PARD3: variants seen among roughly 807,000 people sequenced by gnomAD.
PARD3 encodes par-3 family cell polarity regulator, also known as partitioning defective 3 homolog.
Under a neutral mutation model 155.4 loss-of-function variants are expected in PARD3, and 75 were observed. The ratio of observed to expected loss-of-function variants is 0.48; its 90% CI spans 0.40 to 0.58. PARD3 has a LOEUF of 0.58. Ranked by LOEUF, PARD3 falls within the 20% of genes least tolerant of loss-of-function variation. The pLI, the probability that PARD3 is intolerant of heterozygous loss-of-function variation, is 0.00. For missense variants in PARD3, 1,642 were observed against 1,721.7 expected, an observed-to-expected ratio of 0.95 and a Z score of 0.82; for synonymous variants, 576 against 610.5, an observed-to-expected ratio of 0.94 and a Z score of 0.83.
At chr10:34,654,650 AC>A (rs2093115076) in intron 2 of PARD3, among the ~76,000 whole-genome samples, 1 of 152,054 alleles carries the variant, frequency 6.6e-6, no homozygotes, top group Non-Finnish European at 1.5e-5. Flanking sequence ...ATTTCCCACA[AC>A]CCATTTGCCC....
intron 1 of PARD3, among the ~76,000 whole-genome samples, chr10:34,756,244 C>T (rs1456513382): frequency 6.7e-6 from 1 of 149,708 alleles, no homozygotes; most frequent in Non-Finnish European, 1.5e-5. Flanking sequence ...AGCTCCACCT[C>T]CTGGGTTCAC....
chr10:34,593,705 A>G (rs1322074513), intron 2 of PARD3, among the ~76,000 whole-genome samples: 1 of 152,226 alleles, frequency 6.6e-6, no homozygotes. Flanking sequence ...CAGACAGGGG[A>G]ACAGAGAGCC....
chr10:34,389,311 C>T (rs1002794059), intron 7 of PARD3, among the ~76,000 whole-genome samples: 2 of 143,104 alleles, frequency 1.4e-5, no homozygotes, highest in African/African-American at 5.4e-5. Context: ...TGAAATGCTG[C>T]TTCTTTGTAC....
At chr10:34,725,678 C>T (rs1176083476) in intron 1 of PARD3, among the ~76,000 whole-genome samples, 2 of 152,274 alleles carry the variant, frequency 1.3e-5, no homozygotes, top group East Asian at 3.9e-4. Flanking sequence ...TCAATCCTGG[C>T]TGTATCAGAA....
chr10:34,275,885 C>T (rs1348112973), intron 21 of PARD3, among the ~76,000 whole-genome samples: 1 of 152,096 alleles, frequency 6.6e-6, no homozygotes, highest in East Asian at 1.9e-4. Flanking sequence ...AAGAGTCACT[C>T]ATTTTTCTGA....
At chr10:34,632,079 C>T (rs2092295636) in intron 2 of PARD3, among the ~76,000 whole-genome samples, 1 of 152,098 alleles carries the variant, frequency 6.6e-6, no homozygotes, top group Non-Finnish European at 1.5e-5. Flanking sequence ...GCCAACATGG[C>T]GAAATTCCAT....
chr10:34,733,197 C>T (rs957462657), intron 1 of PARD3, among the ~76,000 whole-genome samples: 4 of 152,150 alleles, frequency 2.6e-5, no homozygotes, highest in Non-Finnish European at 5.9e-5. Context: ...AAGTTAACAC[C>T]GTTAATCACC....
intron 22 of PARD3, among the ~76,000 whole-genome samples, chr10:34,209,519 G>A (rs1255973342): frequency 3.9e-5 from 6 of 152,094 alleles, no homozygotes; most frequent in Non-Finnish European, 8.8e-5. Context: ...GTGTGTTGTG[G>A]GGGGCAGTCA....
intron 3 of PARD3, among the ~76,000 whole-genome samples, chr10:34,508,573 T>C (rs1221175452): frequency 2.0e-5 from 3 of 152,262 alleles, no homozygotes; most frequent in South Asian, 4.1e-4. Context: ...GAAAAAGTCA[T>C]ACACAAAATA....
chr10:34,670,263 C>T (rs541168532), intron 2 of PARD3, among the ~76,000 whole-genome samples: 71 of 152,352 alleles, frequency 4.7e-4, no homozygotes, highest in Admixed American at 1.6e-3. Context: ...ACACAAGGGA[C>T]GCCTTCACGA....
chr10:34,304,274 T>A (rs1110654), intron 20 of PARD3, among the ~76,000 whole-genome samples: 77,392 of 150,806 alleles, frequency 0.51, 19,872 homozygotes, highest in Middle Eastern at 0.6. Flanking sequence ...GGTGGGAGAA[T>A]CACTCGAAGC....
At chr10:34,614,889 G>A (rs1050462682) in intron 2 of PARD3, among the ~76,000 whole-genome samples, 1 of 152,082 alleles carries the variant, frequency 6.6e-6, no homozygotes, top group Non-Finnish European at 1.5e-5. Context: ...TTTAAAAAAC[G>A]CAAAGCAGGC....
intron 18 of PARD3, among the ~76,000 whole-genome samples, chr10:34,332,238 G>C (rs1341316168): frequency 1.3e-5 from 2 of 152,138 alleles, no homozygotes. Flanking sequence ...CCAAGTTGTG[G>C]AAGGCAATCA....
At chr10:34,309,426 T>C (rs1957580083) in intron 20 of PARD3, among the ~76,000 whole-genome samples, 1 of 151,252 alleles carries the variant, frequency 6.6e-6, no homozygotes, top group Non-Finnish European at 1.5e-5. Flanking sequence ...GGCACAGTGG[T>C]GCACGCCTGT....
intron 9 of PARD3, among the ~76,000 whole-genome samples, chr10:34,381,912 C>CAAAAAAAAAAA (rs202053812): frequency 2.3e-3 from 163 of 71,780 alleles, no homozygotes; most frequent in African/African-American, 4.6e-3. Flanking sequence ...GGCCCTGTCT[C>CAAAAAAAAAAA]AAAAAAAAAA....
chr10:34,349,756 A>C (rs1448413360), intron 14 of PARD3, among the ~76,000 whole-genome samples: 1 of 152,162 alleles, frequency 6.6e-6, no homozygotes, highest in East Asian at 1.9e-4. Context: ...ATCAAAAGAC[A>C]GACAACATAT....
chr10:34,278,207 C>T lies in PARD3; in HGVS notation c.3176+5928G>A, dbSNP rs531385455. Among the ~76,000 whole-genome samples, 5 of 117,038 alleles carry T rather than the reference C, an allele frequency of 4.3e-5. No homozygotes were observed. In the East Asian group the frequency reaches 1.1e-3, roughly 26 times the overall value. 76.8% of individuals were successfully genotyped at this position (117,038 alleles called of 152,430 possible). A position where few individuals can be genotyped will look rare whatever the true frequency, so the allele number is the denominator to read the frequency against. ...GACTACAGGTGCATACCACCATGCCCTGCTAATTAAAAAAAATATTTTTAG... is the reference window on the plus strand; with the variant it reads ...GACTACAGGTGCATACCACCATGCCTTGCTAATTAAAAAAAATATTTTTAG... On this transcript the variant is annotated intron_variant, in intron 21 of 24. Coordinates refer to ENST00000374788, the MANE Select transcript of PARD3 (RefSeq NM_001184785.2).
At chr10:34,261,633 G>T (rs544147074) in intron 22 of PARD3, among the ~76,000 whole-genome samples, 1 of 151,968 alleles carries the variant, frequency 6.6e-6, no homozygotes, top group South Asian at 2.1e-4. Context: ...AGGCTGCAGT[G>T]AGCCACGATC....
chr10:34,310,939 A>C (rs567896479), intron 20 of PARD3, among the ~76,000 whole-genome samples: 117 of 152,348 alleles, frequency 7.7e-4, no homozygotes, highest in Non-Finnish European at 1.2e-3. Flanking sequence ...TCATTTGGAG[A>C]AGCATTGTTT....
Sources: allele counts gnomAD v4.1 joint callset (sites outside exome capture counted in the v4.1 genomes callset), GRCh38; gene constraint gnomAD v4.1.1; transcripts MANE v1.5; gene names NCBI Gene and HGNC (gene_info 2026-07-23, HGNC 2026-07-21).